TXNRD1: variants seen among roughly 807,000 people sequenced by gnomAD.
TXNRD1 encodes thioredoxin reductase 1, cytoplasmic.
In TXNRD1, 57 loss-of-function variants were observed where a neutral mutation model predicts 80.3. That is an observed-to-expected ratio of 0.71 (90% CI 0.57 to 0.89). The LOEUF is 0.89. Ranked by LOEUF, TXNRD1 falls within the 40% of genes least tolerant of loss-of-function variation. The pLI, the probability that TXNRD1 is intolerant of heterozygous loss-of-function variation, is 0.00. For synonymous variants in TXNRD1, 291 were observed against 285.2 expected (o/e 1.02, Z -0.20); for missense variants, 730 against 803.0 (o/e 0.91, Z 1.10).
At chr12:104,340,308 A>G (rs2036277599) in intron 16 of TXNRD1, among the ~76,000 whole-genome samples, 1 of 152,228 alleles carries the variant, frequency 6.6e-6, no homozygotes, top group Non-Finnish European at 1.5e-5. Context: ...TTAATGTGCA[A>G]TAGATCTTTT....
chr12:104,292,830 C>T (rs2034275008), intron 4 of TXNRD1, among the ~76,000 whole-genome samples: 2 of 152,042 alleles, frequency 1.3e-5, no homozygotes, highest in Admixed American at 6.6e-5. Context: ...ATTAGAATTG[C>T]GGAAAACAAA....
chr12:104,324,265 TAAG>T (rs900235233), intron 10 of TXNRD1, among the ~76,000 whole-genome samples: 1 of 151,770 alleles, frequency 6.6e-6, no homozygotes, highest in Non-Finnish European at 1.5e-5. Flanking sequence ...TTTAACTATA[TAAG>T]AAGGAAAGGG....
Position 104,345,889 on chromosome 12 carries a change from T to A in TXNRD1, c.1882-2464T>A. ...AGCCTCCAGCAGCTCCTGACCCTTG[T>A]ACGAGTCCTGTGTGTTGGGATGGAA... On this transcript the variant is annotated intron_variant, in intron 16 of 16. Coordinates refer to ENST00000525566, the MANE Select transcript of TXNRD1 (RefSeq NM_001093771.3). 9.9e-6 allele frequency: 11 copies of A among 1,112,750 alleles called. No individual in the cohort carries two copies. The South Asian group carries it at 1.5e-4, about 15-fold the overall frequency. 68.9% of individuals were successfully genotyped at this position (1,112,750 alleles called of 1,614,324 possible).
chr12:104,258,526 A>C (rs2033300801), intron 3 of TXNRD1, among the ~76,000 whole-genome samples: 1 of 152,234 alleles, frequency 6.6e-6, no homozygotes, highest in Non-Finnish European at 1.5e-5. Context: ...GGGAAATCCC[A>C]GGGAGAGAAA....
chr12:104,317,667 C>G (rs1317608037), intron 7 of TXNRD1, among the ~76,000 whole-genome samples: 1 of 152,168 alleles, frequency 6.6e-6, no homozygotes, highest in Non-Finnish European at 1.5e-5. Flanking sequence ...AAAGCAAGAG[C>G]CTGTCTCTAC....
chr12:104,288,380 T>G (rs2135743613), intron 3 of TXNRD1, among the ~76,000 whole-genome samples: 1 of 152,358 alleles, frequency 6.6e-6, no homozygotes, highest in Non-Finnish European at 1.5e-5. Flanking sequence ...TAGTGCCTAG[T>G]TTCATCTGTA....
chr12:104,302,129 C>A (rs34257458), intron 4 of TXNRD1, among the ~76,000 whole-genome samples: 3 of 152,092 alleles, frequency 2.0e-5, no homozygotes, highest in Non-Finnish European at 4.4e-5. Context: ...TACAACTAAC[C>A]GTAATGCATG....
chr12:104,233,429 A>G (rs2032665832), intron 1 of TXNRD1, among the ~76,000 whole-genome samples: 1 of 152,238 alleles, frequency 6.6e-6, no homozygotes, highest in South Asian at 2.1e-4. Context: ...TTATATTGCC[A>G]TAAGTTAAGA....
At chr12:104,219,354 G>A (rs2032295142) in intron 1 of TXNRD1, among the ~76,000 whole-genome samples, 1 of 152,174 alleles carries the variant, frequency 6.6e-6, no homozygotes, top group Non-Finnish European at 1.5e-5. Flanking sequence ...ATGTGGTTAA[G>A]TTTCAAGAAA....
intron 4 of TXNRD1, chr12:104,303,966 G>T (rs775627241): frequency 1.2e-6 from 2 of 1,603,766 alleles, no homozygotes; most frequent in African/African-American, 1.3e-5. Flanking sequence ...AGGGCCGCGG[G>T]CTGCTCCGAC....
At chr12:104,223,642 C>A (rs969137441) in intron 1 of TXNRD1, among the ~76,000 whole-genome samples, 8 of 152,164 alleles carry the variant, frequency 5.3e-5, no homozygotes, top group Non-Finnish European at 8.8e-5. Context: ...AAAATCCTTA[C>A]CTGTGGGAAG....
intron 1 of TXNRD1, among the ~76,000 whole-genome samples, chr12:104,248,718 C>A (rs540266864): frequency 1.3e-5 from 2 of 152,304 alleles, no homozygotes; most frequent in African/African-American, 2.4e-5. Flanking sequence ...CTTCCACTTA[C>A]GGCAGATACT....
At chr12:104,262,216 G>A (rs1012590160) in intron 3 of TXNRD1, 17 of 104,622 alleles carry the variant, frequency 1.6e-4, no homozygotes, top group African/African-American at 6.2e-4. Context: ...TGGGCAACAA[G>A]AGCAAGACTC....
chr12:104,348,216 A>T (rs1478881665), intron 16 of TXNRD1, 137 bp from the exon 17 acceptor site: 1 of 716,414 alleles, frequency 1.4e-6, no homozygotes, highest in African/African-American at 1.8e-5. Context: ...GATATCCTTG[A>T]TCATACTACT....
rs754685223 is a variant in TXNRD1 at position 104,315,877 on chromosome 12, A to T, written c.711A>T (p.Gly237=). 2 of 1,611,192 alleles carry T rather than the reference A, an allele frequency of 1.2e-6. No homozygotes were observed. The highest frequency in any genetic ancestry group is 1.3e-5 in the African/African-American group (1 of 74,828). Residue 237 remains glycine (G), a synonymous_variant, in exon 7 of 17, where the codon GGA becomes GGT. Coordinates refer to ENST00000525566, the MANE Select transcript of TXNRD1 (RefSeq NM_001093771.3). The part of the protein sequence containing the change: ...GQALQDSRNY[G]WKVEETVKHD... ...CCCTGCAAGACTCTCGAAATTATGG[A>T]TGGAAAGTCGAGGAGACAGGTATGA... is the stretch of plus-strand genomic sequence containing the variant.
intron 3 of TXNRD1, among the ~76,000 whole-genome samples, chr12:104,262,779 T>TG (rs1337357556): frequency 4.0e-5 from 1 of 24,866 alleles, no homozygotes; most frequent in Non-Finnish European, 1.2e-4. Context: ...CTTGTTTGTG[T>TG]TTTTTTTTTC....
chr12:104,235,372 A>C (rs545759162), intron 1 of TXNRD1, among the ~76,000 whole-genome samples: 1 of 152,298 alleles, frequency 6.6e-6, no homozygotes, highest in Non-Finnish European at 1.5e-5. Flanking sequence ...CAGATTGGGA[A>C]TGGCTGGAAG....
At chr12:104,221,083 C>A (rs2032345424) in intron 1 of TXNRD1, among the ~76,000 whole-genome samples, 1 of 152,084 alleles carries the variant, frequency 6.6e-6, no homozygotes, top group South Asian at 2.1e-4. Flanking sequence ...GCCTGGGCAA[C>A]AAAGTGAGCC....
chr12:104,326,406 G>T lies in TXNRD1; in HGVS notation c.1368G>T (p.Gly456=). 6.3e-7 allele frequency: 1 copy of T among 1,580,010 alleles called. No homozygotes were observed. The highest frequency in any genetic ancestry group is 8.6e-7 in the Non-Finnish European group (1 of 1,166,264). ...CTRKIGLETV[G]VKINEKTGKI... ...GAAAAATTGGCTTAGAAACCGTAGG[G>T]GTGAAGATAAATGAAAAGTAAGAAA... Residue 456 remains glycine, a synonymous_variant, in exon 12 of 17, where the codon GGG becomes GGT. Coordinates refer to ENST00000525566, the MANE Select transcript of TXNRD1 (RefSeq NM_001093771.3).
Sources: allele counts gnomAD v4.1 joint callset (sites outside exome capture counted in the v4.1 genomes callset), GRCh38; gene constraint gnomAD v4.1.1; transcripts MANE v1.5; gene names NCBI Gene and HGNC (gene_info 2026-07-23, HGNC 2026-07-21).